The following EYS variants were observed in gnomAD, a reference collection of about 807,000 sequenced individuals.
EYS encodes the protein EGF-like photoreceptor maintenance factor.
In EYS, 250 loss-of-function variants were observed where a neutral mutation model predicts 282.1. That is an observed-to-expected ratio of 0.89 (90% CI 0.80 to 0.98). The LOEUF (loss-of-function observed/expected upper bound fraction) is 0.98. Ranked by LOEUF, EYS falls within the 50% of genes least tolerant of loss-of-function variation. The pLI is 0.00. For missense variants in EYS, 4,016 were observed against 3,709.0 expected (o/e 1.08, Z -2.15); for synonymous variants, 1,355 against 1,282.9 (o/e 1.06, Z -1.20).
chr6:64,821,632 T>G lies in EYS; in HGVS notation c.3243+13A>C. Reference sequence around the variant, plus strand: ...TTTTTGTCATATAACTTGAATAAAATTATAAGACTTACATTAATTTTGATC... The same window carrying G: ...TTTTTGTCATATAACTTGAATAAAAGTATAAGACTTACATTAATTTTGATC... On this transcript the variant is annotated intron_variant, in intron 21 of 42. Coordinates refer to ENST00000503581, the MANE Select transcript of EYS (RefSeq NM_001142800.2). 7.3e-7 allele frequency: 1 copy of G among 1,368,928 alleles called. No homozygotes were observed. The highest frequency in any genetic ancestry group is 1.0e-6 in the Non-Finnish European group (1 of 1,003,994). 84.8% of individuals were successfully genotyped at this position (1,368,928 alleles called of 1,614,324 possible). A position where few individuals can be genotyped will look rare whatever the true frequency, so the allele number is the denominator to read the frequency against.
chr6:64,862,163 T>G (rs1766259903), intron 19 of EYS, among the ~76,000 whole-genome samples: 1 of 152,240 alleles, frequency 6.6e-6, no homozygotes, highest in Non-Finnish European at 1.5e-5. Context: ...TGAAGTCAGG[T>G]GCAATGCCTA....
At chr6:64,306,285 G>T (rs975084796) in intron 30 of EYS, among the ~76,000 whole-genome samples, 1 of 152,074 alleles carries the variant, frequency 6.6e-6, no homozygotes, top group Admixed American at 6.6e-5. Context: ...GAGCTTTTAT[G>T]CTGTCCTGTG....
At chr6:65,340,608 A>G (rs941751610) in intron 10 of EYS, among the ~76,000 whole-genome samples, 3 of 151,080 alleles carry the variant, frequency 2.0e-5, no homozygotes, top group Non-Finnish European at 4.5e-5. Context: ...TGTGCCACCA[A>G]TACGAAGCTT....
At chr6:65,222,649 T>A (rs1766499584) in intron 12 of EYS, among the ~76,000 whole-genome samples, 1 of 152,174 alleles carries the variant, frequency 6.6e-6, no homozygotes, top group Non-Finnish European at 1.5e-5. Context: ...AATATAACCA[T>A]GAAAGTTTTA....
intron 26 of EYS, among the ~76,000 whole-genome samples, chr6:64,588,441 C>G (rs192231075): frequency 6.6e-6 from 1 of 152,146 alleles, no homozygotes; most frequent in East Asian, 1.9e-4. Flanking sequence ...TAATAAGAAG[C>G]ACCTGCAGAA....
At chr6:63,727,431 G>A (rs1768654128) in intron 41 of EYS, among the ~76,000 whole-genome samples, 1 of 151,604 alleles carries the variant, frequency 6.6e-6, no homozygotes, top group Non-Finnish European at 1.5e-5. Context: ...TCCAAGAGGT[G>A]TTGGCATTTG....
intron 29 of EYS, among the ~76,000 whole-genome samples, chr6:64,360,958 C>T (rs1439479334): frequency 6.6e-6 from 1 of 151,638 alleles, no homozygotes; most frequent in East Asian, 2.0e-4. Context: ...CTGATCCAGC[C>T]CTTTTGCAGC....
At chr6:64,870,558 G>A (rs919715708) in intron 19 of EYS, among the ~76,000 whole-genome samples, 32 of 151,476 alleles carry the variant, frequency 2.1e-4, no homozygotes, top group African/African-American at 7.3e-4. Context: ...GGAAAAGATG[G>A]CCCATTGAAA....
intron 15 of EYS, among the ~76,000 whole-genome samples, chr6:64,921,856 A>G (rs910937994): frequency 3.8e-4 from 58 of 152,340 alleles, no homozygotes; most frequent in Admixed American, 3.3e-3. Context: ...CCAAGATAAG[A>G]GCAGATATGA....
chr6:63,764,520 G>A (rs1233077035), intron 40 of EYS, among the ~76,000 whole-genome samples: 1 of 151,702 alleles, frequency 6.6e-6, no homozygotes, highest in African/African-American at 2.4e-5. Flanking sequence ...TTAAAGTGAC[G>A]ATTGCGCCAT....
chr6:65,010,305 A>G (rs1771824889), intron 13 of EYS, among the ~76,000 whole-genome samples: 1 of 152,188 alleles, frequency 6.6e-6, no homozygotes, highest in African/African-American at 2.4e-5. Flanking sequence ...CAGGGATCTT[A>G]CTGTGTGGAC....
intron 22 of EYS, among the ~76,000 whole-genome samples, chr6:64,724,663 T>C (rs1008611428): frequency 1.3e-5 from 2 of 152,204 alleles, no homozygotes; most frequent in African/African-American, 4.8e-5. Flanking sequence ...TAGAAAGGTA[T>C]CAGAATAACT....
chr6:64,114,448 C>T (rs1230308749), intron 31 of EYS, among the ~76,000 whole-genome samples: 1 of 152,074 alleles, frequency 6.6e-6, no homozygotes. Context: ...TATCCATGAA[C>T]AAAAATAGCC....
intron 2 of EYS, among the ~76,000 whole-genome samples, chr6:65,502,423 CAA>C (rs1462307047): frequency 6.6e-6 from 1 of 151,524 alleles, no homozygotes; most frequent in Non-Finnish European, 1.5e-5. Context: ...TTTAAATTTA[CAA>C]AGTTATTAGG....
In EYS at chr6:64,582,286, C is replaced by T. The variant is rs541478284; in HGVS notation, c.5644+7937G>A. Among the ~76,000 whole-genome samples the T allele has an allele frequency of 1.2e-4, 19 of 152,272 alleles. No individual in the cohort carries two copies. In the South Asian group the frequency reaches 3.9e-3, roughly 32 times the overall value. On this transcript the variant is annotated intron_variant, in intron 26 of 42. Transcript: ENST00000503581. ...CAGATCAACAGCCACATTAGATTCT[C>T]ATTGGAGGTGAACCCCGTTGTGAAC...
intron 1 of EYS, among the ~76,000 whole-genome samples, chr6:65,703,114 C>A (rs1054449356): frequency 2.0e-5 from 3 of 152,108 alleles, no homozygotes; most frequent in Non-Finnish European, 4.4e-5. Context: ...CAGCAGCTGG[C>A]CATGCAAATA....
At chr6:65,265,350 A>G (rs1428023492) in intron 12 of EYS, among the ~76,000 whole-genome samples, 4 of 151,912 alleles carry the variant, frequency 2.6e-5, no homozygotes, top group African/African-American at 9.7e-5. Flanking sequence ...TTGAATTATT[A>G]TTTGTATTTA....
chr6:64,810,968 T>G (rs1764574149), intron 22 of EYS, among the ~76,000 whole-genome samples: 1 of 152,088 alleles, frequency 6.6e-6, no homozygotes, highest in African/African-American at 2.4e-5. Flanking sequence ...GAACACAAAA[T>G]AGAACTCAGA....
rs1045446075 is a variant in EYS at position 64,963,671 on chromosome 6, G to T, written c.2260-17757C>A. The stretch of plus-strand genomic sequence containing the variant: ...GCAACTCATACAATTTTAGCTATTC[G>T]TAGTGATAGAGACACACCAAGTAGA... On this transcript the variant is annotated intron_variant, in intron 14 of 42. Coordinates refer to ENST00000503581, the MANE Select transcript of EYS (RefSeq NM_001142800.2). 2.0e-5 allele frequency among the ~76,000 whole-genome samples: 3 copies of T among 152,078 alleles called. No homozygotes were observed. In the East Asian group the frequency reaches 5.8e-4, roughly 29 times the overall value.
Sources: gnomAD v4.1 joint callset for allele counts (sites outside exome capture counted in the v4.1 genomes callset) on GRCh38, gnomAD v4.1.1 for gene constraint, MANE v1.5 for transcripts, NCBI Gene and HGNC (gene_info 2026-07-23, HGNC 2026-07-21) for gene names.